The following MYO1H variants were observed in gnomAD, a reference collection of about 807,000 sequenced individuals.
MYO1H encodes unconventional myosin-Ih.
A neutral mutation model predicts 149.3 loss-of-function variants in MYO1H; 118 were observed. That is an observed-to-expected ratio of 0.79 (90% CI 0.68 to 0.92). The LOEUF (loss-of-function observed/expected upper bound fraction) is 0.92, where lower values mean the gene tolerates loss of function less well. Ranked by LOEUF, MYO1H falls within the 40% of genes least tolerant of loss-of-function variation. The pLI is 0.00. For missense variants in MYO1H, 1,212 were observed against 1,280.7 expected, an observed-to-expected ratio of 0.95 and a Z score of 0.82; for synonymous variants, 447 against 465.2, an observed-to-expected ratio of 0.96 and a Z score of 0.50.
At chr12:109,377,173 C>T (rs1309396759) in intron 1 of MYO1H, among the ~76,000 whole-genome samples, 3 of 152,088 alleles carry the variant, frequency 2.0e-5, no homozygotes, top group African/African-American at 4.8e-5. Context: ...CATCTCTTGC[C>T]GTCTTAGTCC....
intron 23 of MYO1H, 109 bp downstream of exon 23, chr12:109,438,729 G>C: frequency 1.2e-6 from 1 of 802,614 alleles, no homozygotes; most frequent in Non-Finnish European, 2.0e-6. Context: ...TGTGCAGAAA[G>C]GAAAAACTCC....
At chr12:109,330,512 C>T in the MYO1H span, among the ~76,000 whole-genome samples, 300 of 152,252 alleles carry the variant, frequency 2.0e-3, no homozygotes, top group Non-Finnish European at 3.0e-3. Context: ...TAACTGGATT[C>T]GTAAGGGCTT....
chr12:109,411,971 T>A, exon 14 of MYO1H: 1 of 1,597,222 alleles, frequency 6.3e-7, no homozygotes, highest in Non-Finnish European at 8.5e-7. Context: ...TGGGCAAACA[T>A]GCACACTTCG....
chr12:109,434,877 C>A (rs1250082772), intron 20 of MYO1H, among the ~76,000 whole-genome samples, 160 bp from the exon 21 acceptor site: 2 of 152,190 alleles, frequency 1.3e-5, no homozygotes, highest in Non-Finnish European at 2.9e-5. Flanking sequence ...AGGATGAGCT[C>A]ATTTCTATCC....
chr12:109,404,357 C>G (rs972176269), intron 7 of MYO1H, among the ~76,000 whole-genome samples: 7 of 152,170 alleles, frequency 4.6e-5, no homozygotes, highest in Non-Finnish European at 1.0e-4. Context: ...TGGCAGGCAC[C>G]TGTAATCCCA....
chr12:109,387,203 T>A (rs1167066342), intron 1 of MYO1H, among the ~76,000 whole-genome samples: 1 of 152,180 alleles, frequency 6.6e-6, no homozygotes, highest in Non-Finnish European at 1.5e-5. Flanking sequence ...TGTGCTGGGA[T>A]CACAGCTGTG....
intron 25 of MYO1H, 72 bp from the exon 26 acceptor site, chr12:109,441,543 T>C (rs1222656443): frequency 2.1e-6 from 2 of 946,492 alleles, no homozygotes; most frequent in Non-Finnish European, 3.2e-6. Flanking sequence ...GTGACCTCAA[T>C]GGGTCTAGAG....
intron 1 of MYO1H, among the ~76,000 whole-genome samples, chr12:109,386,715 G>A (rs913911279): frequency 6.6e-6 from 1 of 152,122 alleles, no homozygotes; most frequent in Non-Finnish European, 1.5e-5. Context: ...GACTGTAGGT[G>A]TCTTTTATTC....
chr12:109,369,112 C>G (rs993867186), intron 1 of MYO1H, among the ~76,000 whole-genome samples: 4 of 151,920 alleles, frequency 2.6e-5, no homozygotes, highest in African/African-American at 9.7e-5. Context: ...CTCAGCCTCC[C>G]GAGTAGCTGG....
rs757963510 is a variant in MYO1H, at chr12:109,421,038, C to CA, written c.1644+12dup. On this transcript the variant is annotated intron_variant, in intron 16 of 31. Coordinates refer to ENST00000310903, the Ensembl canonical transcript of MYO1H. ...AGACATCTGAAAGAAGTAAGTCTGACACTTAACTGTATGTGTTTCTGATTA... is the reference window on the plus strand; with the variant it reads ...AGACATCTGAAAGAAGTAAGTCTGACAACTTAACTGTATGTGTTTCTGATTA... 6.6e-7 allele frequency: 1 copy of CA among 1,523,176 alleles called. No homozygotes were observed. The highest frequency in any genetic ancestry group is 9.1e-7 in the Non-Finnish European group (1 of 1,102,784). 94.4% of individuals were successfully genotyped at this position (1,523,176 alleles called of 1,614,324 possible).
chr12:109,333,289 T>C, the MYO1H span, among the ~76,000 whole-genome samples: 5 of 152,038 alleles, frequency 3.3e-5, no homozygotes, highest in Non-Finnish European at 5.9e-5. Context: ...CATCGCACTC[T>C]AGCCTTGGAG....
chr12:109,380,437 A>G (rs1322626819), intron 1 of MYO1H, among the ~76,000 whole-genome samples: 6 of 152,204 alleles, frequency 3.9e-5, no homozygotes, highest in Non-Finnish European at 8.8e-5. Context: ...AAGGGAACCT[A>G]AAAAACACAG....
chr12:109,385,312 T>C (rs1455919189), intron 1 of MYO1H, among the ~76,000 whole-genome samples: 1 of 151,630 alleles, frequency 6.6e-6, no homozygotes, highest in Non-Finnish European at 1.5e-5. Context: ...TTTTTTTTTT[T>C]AAGACAATGT....
intron 1 of MYO1H, among the ~76,000 whole-genome samples, chr12:109,353,450 CT>C (rs1808993756): frequency 7.1e-6 from 1 of 140,762 alleles, no homozygotes; most frequent in Non-Finnish European, 1.5e-5. Flanking sequence ...GGGAAATAAA[CT>C]GTTGCTTGAA....
At chr12:109,371,075 G>A (rs968406874) in intron 1 of MYO1H, among the ~76,000 whole-genome samples, 8 of 152,110 alleles carry the variant, frequency 5.3e-5, no homozygotes, top group African/African-American at 1.9e-4. Context: ...GAGCTAACAG[G>A]TATATATAAC....
chr12:109,364,499 A>AT (rs1429412384), intron 1 of MYO1H, among the ~76,000 whole-genome samples: 1 of 151,890 alleles, frequency 6.6e-6, no homozygotes, highest in African/African-American at 2.4e-5. Flanking sequence ...TAATTTTTGT[A>AT]TTTTTTGTAG....
At chr12:109,392,227 C>A (rs1464844036) in intron 2 of MYO1H, among the ~76,000 whole-genome samples, 2 of 152,210 alleles carry the variant, frequency 1.3e-5, no homozygotes, top group African/African-American at 2.4e-5. Context: ...GCCCACGGAG[C>A]CTGTATGATC....
Position 109,428,802 on chromosome 12 carries a change from C to T in MYO1H, c.1949+1216C>T, listed in dbSNP as rs935195014. On this transcript the variant is annotated intron_variant, in intron 19 of 31. Transcript: ENST00000310903. Reference sequence around the variant, plus strand: ...GGCAACAGCCACTGCCCACCTCACCCCCCTCCAAACATATACACACTTGAT... The same window carrying T: ...GGCAACAGCCACTGCCCACCTCACCTCCCTCCAAACATATACACACTTGAT... 7.1e-5 allele frequency among the ~76,000 whole-genome samples: 9 copies of T among 126,048 alleles called. No individual in the cohort carries two copies. The South Asian group carries it at 1.9e-3, about 27-fold the overall frequency. 82.7% of individuals were successfully genotyped at this position (126,048 alleles called of 152,430 possible).
At chr12:109,385,739 T>G (rs1869291736) in intron 1 of MYO1H, among the ~76,000 whole-genome samples, 1 of 152,020 alleles carries the variant, frequency 6.6e-6, no homozygotes, top group Admixed American at 6.6e-5. Flanking sequence ...TATGGAAAAC[T>G]TCAAATTTAT....
Sources: allele counts gnomAD v4.1 joint callset (sites outside exome capture counted in the v4.1 genomes callset), GRCh38; gene constraint gnomAD v4.1.1; transcripts MANE v1.5; gene names NCBI Gene and HGNC (gene_info 2026-07-23, HGNC 2026-07-21).